ZNF584: variants seen among roughly 807,000 people sequenced by gnomAD.
ZNF584 encodes the protein zinc finger protein 584.
Under a neutral mutation model 14.7 loss-of-function variants are expected in ZNF584, and 12 were observed. That is an observed-to-expected ratio of 0.82 (90% confidence interval 0.52 to 1.32). The LOEUF (loss-of-function observed/expected upper bound fraction) is 1.32. ZNF584 is among the 40% of genes most tolerant of loss of function. The pLI, the probability that ZNF584 is intolerant of heterozygous loss-of-function variation, is 0.00. For synonymous variants in ZNF584, 204 were observed against 190.9 expected (o/e 1.07, Z -0.57); for missense variants, 478 against 518.8 (o/e 0.92, Z 0.76).
In ZNF584 at chr19:58,415,624, A is replaced by G. The variant is rs142137342; in HGVS notation, c.270A>G (p.Glu90=). The change falls in exon 3 of 4, where the codon GAA becomes GAG. Residue 90 remains glutamate, a synonymous_variant. Transcript: ENST00000306910. ...ATGTGACTCCAGTCAGCAGAGCAGA[A>G]GCCAGGAGAGGTTTTGGTCTTGGTA... The part of the protein sequence containing the change: ...WVDVTPVSRA[E]ARRGFGLDGL... 3.9e-5 allele frequency: 63 copies of G among 1,613,978 alleles called. No homozygotes were observed. In the African/African-American group the frequency reaches 7.6e-4, roughly 19 times the overall value.
Position 58,416,853 on chromosome 19 carries a change from A to G in ZNF584, c.335A>G (p.His112Arg), listed in dbSNP as rs375953527. The change falls in exon 4 of 4, where the codon CAT (histidine) becomes CGT (arginine). Residue 112 changes from histidine (H) to arginine (R), a missense_variant. Transcript: ENST00000306910. Reference protein sequence around the residue: ...RVEDERAHPEHLKSYRVIQHQ... With the variant: ...RVEDERAHPERLKSYRVIQHQ... ...GAGGATGAGAGAGCCCATCCTGAGC[A>G]TCTAAAGAGCTACAGAGTCATCCAG... The G allele has an allele frequency of 3.2e-6, 5 of 1,581,884 alleles. No homozygotes were observed. Among genetic ancestry groups the G allele is most frequent in the South Asian group, 1.2e-5 (1 of 85,398 alleles).
chr19:58,417,680 G>A lies in ZNF584; in HGVS notation c.1162G>A (p.Gly388Arg). The change falls in exon 4 of 4, where the codon GGG becomes AGG. Residue 388 changes from glycine to arginine, a missense_variant. Coordinates refer to ENST00000306910, the MANE Select transcript of ZNF584 (RefSeq NM_173548.3). Reference protein sequence around the residue: ...EERSYECTECGKAFKHSSTLL... With the variant: ...EERSYECTECRKAFKHSSTLL... ...GAGGTCTTATGAATGTACAGAGTGT[G>A]GGAAGGCCTTCAAACATAGTTCCAC... 6.2e-7 allele frequency: 1 copy of A among 1,614,016 alleles called. No homozygotes were observed. The highest frequency in any genetic ancestry group is 8.5e-7 in the Non-Finnish European group (1 of 1,179,894).
chr19:58,410,161 T>C, intron 2 of ZNF584, 70 bp downstream of exon 2: 1 of 1,518,050 alleles, frequency 6.6e-7, no homozygotes, highest in East Asian at 2.3e-5. Context: ...GTTCTGTCCA[T>C]AACGAAGCCA....
chr19:58,402,824 C>CAAAAAAA (rs35168811), intron 1 of ZNF584, among the ~76,000 whole-genome samples: 1 of 47,494 alleles, frequency 2.1e-5, no homozygotes, highest in Non-Finnish European at 3.6e-5. Context: ...AACTGCGTCT[C>CAAAAAAA]AAAAAAAAAA....
rs1321666471 is a variant in ZNF584 at position 58,410,642 on chromosome 19, T to C, written c.169+551T>C. On this transcript the variant is annotated intron_variant, in intron 2 of 3. Coordinates refer to ENST00000306910, the MANE Select transcript of ZNF584 (RefSeq NM_173548.3). ...ATATATGTGTATATATGTGTATATA[T>C]ATGTGTATATATGTGTATATATGTA... is the stretch of plus-strand genomic sequence containing the variant. Among the ~76,000 whole-genome samples, 4 of 31,208 alleles carry C rather than the reference T, an allele frequency of 1.3e-4. 1 individual carries two copies. The highest frequency in any genetic ancestry group is 2.1e-4 in the Non-Finnish European group (4 of 19,004). 20.5% of individuals were successfully genotyped at this position (31,208 alleles called of 152,430 possible). A position where few individuals can be genotyped will look rare whatever the true frequency, so the allele number is the denominator to read the frequency against.
chr19:58,413,328 T>TTTTTTC (rs1212069607), intron 2 of ZNF584, among the ~76,000 whole-genome samples: 15 of 151,948 alleles, frequency 9.9e-5, no homozygotes, highest in African/African-American at 3.6e-4. Context: ...GTTGTGGTAT[T>TTTTTTC]TTTTTCTTTT....
chr19:58,411,153 G>A (rs2052565301), intron 2 of ZNF584, among the ~76,000 whole-genome samples: 1 of 152,040 alleles, frequency 6.6e-6, no homozygotes, highest in Non-Finnish European at 1.5e-5. Flanking sequence ...TAAGTATGGT[G>A]TTAGCTGTTG....
chr19:58,409,923 C>T lies in ZNF584; in HGVS notation c.19-18C>T, dbSNP rs2052521450. 5.6e-6 allele frequency: 9 copies of T among 1,613,930 alleles called. No homozygotes were observed. Among genetic ancestry groups the T allele is most frequent in the Non-Finnish European group, 7.6e-6 (9 of 1,179,950 alleles). ...TCCATATTTTGGTTGTTTTTTTCTG[C>T]CCATCATTGACCCCAAGGCTCAGTT... is the stretch of plus-strand genomic sequence containing the variant. On this transcript the variant is annotated intron_variant, in intron 1 of 3. Coordinates refer to ENST00000306910, the MANE Select transcript of ZNF584 (RefSeq NM_173548.3).
rs781429177 is a variant in ZNF584 at position 58,401,885 on chromosome 19, C to CAAAAAAAAAAA, written n.92+232_92+242dup. ...GGATCCTATATAAAGTGAGACTCCTCAAAAAAAAAAAAAAAAAAAGATTTT... is the reference window on the plus strand; with the variant it reads ...GGATCCTATATAAAGTGAGACTCCTCAAAAAAAAAAAAAAAAAAAAAAAAAAAAAAGATTTT... On this transcript the variant is annotated intron_variant and non_coding_transcript_variant, in intron 1 of 3. Transcript: ENST00000594993. Among the ~76,000 whole-genome samples, 171 of 67,028 alleles carry CAAAAAAAAAAA rather than the reference C, an allele frequency of 2.6e-3. 5 individuals carry two copies. Among genetic ancestry groups the CAAAAAAAAAAA allele is most frequent in the African/African-American group, 0.011 (163 of 14,650 alleles). 44.0% of individuals were successfully genotyped at this position (67,028 alleles called of 152,430 possible). A position where few individuals can be genotyped will look rare whatever the true frequency, so the allele number is the denominator to read the frequency against.
At chr19:58,412,081 A>G (rs574447191) in intron 2 of ZNF584, among the ~76,000 whole-genome samples, 130 of 147,022 alleles carry the variant, frequency 8.8e-4, no homozygotes, top group African/African-American at 3.2e-3. Context: ...TCTTGGGTTC[A>G]AGTGATTCTC....
At chr19:58,410,561 G>GTATATATATATA in intron 2 of ZNF584, among the ~76,000 whole-genome samples, 1 of 20,450 alleles carries the variant, frequency 4.9e-5, no homozygotes, top group South Asian at 1.1e-3. Context: ...ATATATATGT[G>GTATATATATATA]TATATATATA....
Position 58,417,157 on chromosome 19 carries a change from C to G in ZNF584, c.639C>G (p.Ala213=), listed in dbSNP as rs118124900. Residue 213 remains alanine (A), a synonymous_variant, in exon 4 of 4, where the codon GCC becomes GCG. Coordinates refer to ENST00000306910, the MANE Select transcript of ZNF584 (RefSeq NM_173548.3). The stretch of plus-strand genomic sequence containing the variant: ...GAAAAATTCACACTGGAGAAACAGC[C>G]CATGTGTGTAATGAATGTGGGAAGG... The part of the protein sequence containing the change: ...NPRKIHTGET[A]HVCNECGKAF... 7 of 1,613,592 alleles carry G rather than the reference C, an allele frequency of 4.3e-6. No individual in the cohort carries two copies. In the Admixed American group the frequency reaches 1.2e-4, roughly 27 times the overall value.
intron 2 of ZNF584, among the ~76,000 whole-genome samples, chr19:58,414,186 C>G (rs1334310402): frequency 6.6e-6 from 1 of 152,012 alleles, no homozygotes; most frequent in African/African-American, 2.4e-5. Context: ...TTCTTTGACT[C>G]TGGATTTTTA....
At position 58,410,099 on chromosome 19, in the gene ZNF584, T is replaced by A; in HGVS notation, c.169+8T>A. 1 of 1,600,374 alleles carries A rather than the reference T, an allele frequency of 6.2e-7. No individual in the cohort carries two copies. Among genetic ancestry groups the A allele is most frequent in the African/African-American group, 1.3e-5 (1 of 74,566 alleles). ...CACTCGTTAGCTCACTGGGTAAGTC[T>A]CTTACACTGTCCCCCAGCACACTGA... is the stretch of plus-strand genomic sequence containing the variant. On this transcript the variant is annotated splice_region_variant and intron_variant, in intron 2 of 3. Coordinates refer to ENST00000306910, the MANE Select transcript of ZNF584 (RefSeq NM_173548.3).
In ZNF584 at chr19:58,417,979, C is replaced by G; in HGVS notation, c.*195C>G. The G allele has an allele frequency of 1.6e-6, 1 of 644,868 alleles. No individual in the cohort carries two copies. The highest frequency in any genetic ancestry group is 2.1e-5 in the South Asian group (1 of 48,618). 39.9% of individuals were successfully genotyped at this position (644,868 alleles called of 1,614,324 possible). The stretch of plus-strand genomic sequence containing the variant: ...ACTTGCCTGGGGCTGTTGGCAGTGT[C>G]ACATCACTGAGTTTATCCACCGCCA... On this transcript the variant is annotated 3_prime_UTR_variant, in exon 4 of 4. Coordinates refer to ENST00000306910, the MANE Select transcript of ZNF584 (RefSeq NM_173548.3).
At chr19:58,413,039 GT>G (rs2052596163) in intron 2 of ZNF584, among the ~76,000 whole-genome samples, 1 of 152,028 alleles carries the variant, frequency 6.6e-6, no homozygotes, top group South Asian at 2.1e-4. Flanking sequence ...TCTTCTCTCT[GT>G]TTTTTGTCAC....
upstream of ZNF584, among the ~76,000 whole-genome samples, chr19:58,403,891 G>A (rs185520342): frequency 1.6e-3 from 235 of 151,262 alleles, 1 homozygote; most frequent in Non-Finnish European, 2.8e-3. Context: ...GCTTGAACCC[G>A]GGAGGCGGAG....
Position 58,410,711 on chromosome 19 carries a change from A to G in ZNF584, c.169+620A>G, listed in dbSNP as rs1212562505. Among the ~76,000 whole-genome samples, 57 of 51,052 alleles carry G rather than the reference A, an allele frequency of 1.1e-3. 6 individuals are homozygous for G. The highest frequency in any genetic ancestry group is 7.4e-4 in the East Asian group (2 of 2,706). 33.5% of individuals were successfully genotyped at this position (51,052 alleles called of 152,430 possible). On this transcript the variant is annotated intron_variant, in intron 2 of 3. Coordinates refer to ENST00000306910, the MANE Select transcript of ZNF584 (RefSeq NM_173548.3). ...TATATATGTATATATATATGTATATATGTGTATATATATATGTATATATAT... is the reference window on the plus strand; with the variant it reads ...TATATATGTATATATATATGTATATGTGTGTATATATATATGTATATATAT...
At chr19:58,401,858 G>T in intron 1 of ZNF584, among the ~76,000 whole-genome samples, 1 of 127,364 alleles carries the variant, frequency 7.9e-6, no homozygotes, top group African/African-American at 3.3e-5. Context: ...AGTATAACGT[G>T]AGGATCCTAT....
Sources: allele counts gnomAD v4.1 joint callset (sites outside exome capture counted in the v4.1 genomes callset), GRCh38; gene constraint gnomAD v4.1.1; transcripts MANE v1.5; gene names NCBI Gene and HGNC (gene_info 2026-07-23, HGNC 2026-07-21).